ARHGAP8: variants seen among roughly 807,000 people sequenced by gnomAD.
ARHGAP8 encodes rho GTPase-activating protein 8.
Under a neutral mutation model 46.1 loss-of-function variants are expected in ARHGAP8, and 62 were observed. The ratio of observed to expected loss-of-function variants is 1.34; its 90% CI spans 1.10 to 1.66. The LOEUF (loss-of-function observed/expected upper bound fraction) is 1.66, where lower values mean the gene tolerates loss of function less well. ARHGAP8 is among the 40% of genes most tolerant of loss of function. The pLI is 0.00. For synonymous variants in ARHGAP8, 375 were observed against 243.1 expected (o/e 1.54, Z -5.05); for missense variants, 923 against 568.4 (o/e 1.62, Z -6.34).
chr22:44,843,981 G>C (rs1299051671), intron 7 of ARHGAP8, among the ~76,000 whole-genome samples: 1 of 152,146 alleles, frequency 6.6e-6, no homozygotes, highest in African/African-American at 2.4e-5. Context: ...ATAGAGAGAA[G>C]AGGGAGAGAG....
At chr22:44,814,846 A>G in intron 5 of ARHGAP8, 88 bp downstream of exon 5, 2 of 1,468,982 alleles carry the variant, frequency 1.4e-6, no homozygotes, top group South Asian at 1.2e-5. Flanking sequence ...TCCACGCATC[A>G]TGGAGGGCCC....
chr22:44,773,570 A>G (rs1420432798), intron 1 of ARHGAP8, among the ~76,000 whole-genome samples: 2 of 152,146 alleles, frequency 1.3e-5, no homozygotes, highest in Non-Finnish European at 2.9e-5. Flanking sequence ...TGTGAAATGT[A>G]GAATTTTTCT....
chr22:44,842,153 T>G (rs1931694225), intron 7 of ARHGAP8, among the ~76,000 whole-genome samples: 1 of 152,090 alleles, frequency 6.6e-6, no homozygotes, highest in South Asian at 2.1e-4. Flanking sequence ...GGTCAAGAGA[T>G]AGAGATCATC....
At chr22:44,838,554 G>A (rs1384374047) in intron 7 of ARHGAP8, among the ~76,000 whole-genome samples, 5 of 152,250 alleles carry the variant, frequency 3.3e-5, no homozygotes, top group East Asian at 1.9e-4. Flanking sequence ...GATTATAGGC[G>A]TGAGCCACCA....
chr22:44,832,292 T>A (rs901111911), intron 7 of ARHGAP8, among the ~76,000 whole-genome samples: 11 of 149,368 alleles, frequency 7.4e-5, no homozygotes, highest in Admixed American at 2.7e-4. Context: ...AGTGGTGCAA[T>A]CTTGGCGCAC....
At chr22:44,857,265 C>T (rs535426943) in intron 10 of ARHGAP8, among the ~76,000 whole-genome samples, 4 of 152,122 alleles carry the variant, frequency 2.6e-5, no homozygotes, top group East Asian at 1.9e-4. Flanking sequence ...TTCTTTTGGC[C>T]GGCTCTACCA....
intron 4 of ARHGAP8, among the ~76,000 whole-genome samples, chr22:44,811,171 C>T (rs1929307670): frequency 6.6e-6 from 1 of 152,216 alleles, no homozygotes; most frequent in African/African-American, 2.4e-5. Flanking sequence ...GAGTGGGTCA[C>T]TCCCGCTTGG....
chr22:44,854,025 A>C (rs2070159578), intron 10 of ARHGAP8, among the ~76,000 whole-genome samples: 1 of 22,818 alleles, frequency 4.4e-5, no homozygotes, highest in African/African-American at 2.8e-4. Context: ...ACTCTGTCTC[A>C]AAAAAAAAAA....
At chr22:44,786,724 TC>T (rs1927268248) in intron 2 of ARHGAP8, 118 bp downstream of exon 2, 4 of 1,425,198 alleles carry the variant, frequency 2.8e-6, no homozygotes, top group Non-Finnish European at 3.7e-6. Context: ...AAGATTGAAA[TC>T]TAATTAGAGC....
chr22:44,816,661 C>A (rs1211697294), intron 5 of ARHGAP8, among the ~76,000 whole-genome samples: 1 of 152,014 alleles, frequency 6.6e-6, no homozygotes, highest in Non-Finnish European at 1.5e-5. Flanking sequence ...TAAAAATTAG[C>A]CGGATGTGTA....
chr22:44,861,408 G>A (rs1418822808), intron 11 of ARHGAP8, among the ~76,000 whole-genome samples: 1 of 152,226 alleles, frequency 6.6e-6, no homozygotes, highest in Non-Finnish European at 1.5e-5. Context: ...GGCTTGAGGA[G>A]GGGTGGCCTG....
chr22:44,859,852 G>C lies in ARHGAP8; in HGVS notation c.981+18G>C, dbSNP rs773183238. 4 of 1,611,112 alleles carry C rather than the reference G, an allele frequency of 2.5e-6. No individual in the cohort carries two copies. The Admixed American group carries it at 6.7e-5, about 27-fold the overall frequency. On this transcript the variant is annotated intron_variant, in intron 11 of 11. Transcript: ENST00000356099. Reference sequence around the variant, plus strand: ...TGCATGCGGTGAGTGGGGAAGGGGGGAGCTTGGGGTGAAGCCCAGTGGCCT... The same window carrying C: ...TGCATGCGGTGAGTGGGGAAGGGGGCAGCTTGGGGTGAAGCCCAGTGGCCT...
chr22:44,808,596 C>T (rs1004644309), intron 4 of ARHGAP8, 158 bp downstream of exon 4: 15 of 1,352,340 alleles, frequency 1.1e-5, no homozygotes, highest in Admixed American at 4.0e-5. Context: ...GGTTCACCTC[C>T]CCTCTGGGCC....
chr22:44,775,520 T>C (rs1156486700), intron 1 of ARHGAP8, among the ~76,000 whole-genome samples: 1 of 152,088 alleles, frequency 6.6e-6, no homozygotes, highest in Non-Finnish European at 1.5e-5. Flanking sequence ...CAGTCTTGGC[T>C]CACTGCAACC....
rs2069966589 is a variant in ARHGAP8, at chr22:44,846,746, C to A, written c.671-1227C>A. 2.0e-5 allele frequency among the ~76,000 whole-genome samples: 3 copies of A among 152,292 alleles called. No homozygotes were observed. In the South Asian group the frequency reaches 6.2e-4, roughly 32 times the overall value. On this transcript the variant is annotated intron_variant, in intron 8 of 11. Transcript: ENST00000356099. ...CTTGGGAGGCATTCGCTACGTGCCT[C>A]CCTCGTGCCAGACTCTGGGGATATC...
Position 44,849,064 on chromosome 22 carries a change from C to G in ARHGAP8, c.877+4C>G. The G allele has an allele frequency of 1.2e-6, 2 of 1,613,680 alleles. No individual in the cohort carries two copies. The highest frequency in any genetic ancestry group is 8.5e-7 in the Non-Finnish European group (1 of 1,179,922). On this transcript the variant is annotated splice_donor_region_variant and intron_variant, in intron 10 of 11. Transcript: ENST00000356099. Reference sequence around the variant, plus strand: ...GAGCAGATTCTCGGGATCACCTGTGCGTAGCTGCCCTGGCGCAGGGGTGGG... The same window carrying G: ...GAGCAGATTCTCGGGATCACCTGTGGGTAGCTGCCCTGGCGCAGGGGTGGG...
chr22:44,834,934 G>C (rs1419786778), intron 7 of ARHGAP8, among the ~76,000 whole-genome samples: 1 of 151,970 alleles, frequency 6.6e-6, no homozygotes, highest in East Asian at 1.9e-4. Flanking sequence ...GCTCTTTTTA[G>C]TTACTGTTTG....
chr22:44,764,112 A>G (rs966811688), intron 1 of ARHGAP8, among the ~76,000 whole-genome samples: 4 of 152,068 alleles, frequency 2.6e-5, no homozygotes, highest in Non-Finnish European at 5.9e-5. Context: ...GCGCCCGGCC[A>G]TGATTTTCAC....
chr22:44,855,315 C>CCA (rs1278697842), intron 10 of ARHGAP8, among the ~76,000 whole-genome samples: 5 of 151,948 alleles, frequency 3.3e-5, no homozygotes, highest in Non-Finnish European at 5.9e-5. Flanking sequence ...GCATGCACTA[C>CCA]CACACCCAGC....
Sources: gnomAD v4.1 joint callset for allele counts (sites outside exome capture counted in the v4.1 genomes callset) on GRCh38, gnomAD v4.1.1 for gene constraint, MANE v1.5 for transcripts, NCBI Gene and HGNC (gene_info 2026-07-23, HGNC 2026-07-21) for gene names.